TMEM87A: variants seen among roughly 807,000 people sequenced by gnomAD.
The protein encoded by TMEM87A is Golgi-pH regulating cation channel.
A neutral mutation model predicts 90.0 loss-of-function variants in TMEM87A; 50 were observed. The observed-to-expected ratio is 0.56, with a 90% CI of 0.44 to 0.70. The LOEUF (loss-of-function observed/expected upper bound fraction) is 0.70. Among genes scored for constraint, TMEM87A ranks in the 30% least tolerant of loss-of-function variants. The pLI, the probability that TMEM87A is intolerant of heterozygous loss-of-function variation, is 0.00. For synonymous variants in TMEM87A, 226 were observed against 226.7 expected, an observed-to-expected ratio of 1.00 and a Z score of 0.03; for missense variants, 577 against 660.5, an observed-to-expected ratio of 0.87 and a Z score of 1.39.
intron 6 of TMEM87A, among the ~76,000 whole-genome samples, chr15:42,244,529 A>G (rs551695334): frequency 6.6e-6 from 1 of 151,860 alleles, no homozygotes; most frequent in Non-Finnish European, 1.5e-5. Context: ...GATTATTTAA[A>G]TCACCTTAAA....
intron 3 of TMEM87A, among the ~76,000 whole-genome samples, chr15:42,264,941 G>A (rs769641215): frequency 2.1e-4 from 32 of 151,908 alleles, no homozygotes; most frequent in Non-Finnish European, 4.1e-4. Context: ...ACTTATAAGT[G>A]AAAACGTGGT....
intron 15 of TMEM87A, among the ~76,000 whole-genome samples, chr15:42,220,652 G>GTTC (rs2140916810): frequency 6.6e-6 from 1 of 152,242 alleles, no homozygotes; most frequent in South Asian, 2.1e-4. Context: ...GTTTACAAGT[G>GTTC]GGAAGCTCAG....
chr15:42,224,714 T>C (rs912123099), intron 15 of TMEM87A, among the ~76,000 whole-genome samples: 1 of 152,234 alleles, frequency 6.6e-6, no homozygotes, highest in African/African-American at 2.4e-5. Flanking sequence ...ACATGTCCCA[T>C]ATTTATGCTA....
intron 15 of TMEM87A, among the ~76,000 whole-genome samples, chr15:42,225,977 T>G (rs2050584314): frequency 6.6e-6 from 1 of 152,202 alleles, no homozygotes; most frequent in African/African-American, 2.4e-5. Flanking sequence ...GGTGCCATTT[T>G]CCAACAGTAA....
intron 8 of TMEM87A, among the ~76,000 whole-genome samples, chr15:42,238,991 GTGCACACA>G (rs571445118): frequency 1.6e-3 from 243 of 152,012 alleles, no homozygotes; most frequent in African/African-American, 5.7e-3. Context: ...ATACATGTAT[GTGCACACA>G]TACACACATA....
intron 3 of TMEM87A, among the ~76,000 whole-genome samples, chr15:42,264,908 T>C (rs2051372489): frequency 6.6e-6 from 1 of 151,940 alleles, no homozygotes; most frequent in African/African-American, 2.4e-5. Flanking sequence ...TTTGTGATCA[T>C]GTGTTCTCAT....
intron 6 of TMEM87A, among the ~76,000 whole-genome samples, chr15:42,251,764 C>T (rs1050407284): frequency 2.1e-4 from 32 of 152,180 alleles, no homozygotes; most frequent in Non-Finnish European, 1.0e-4. Context: ...GCTGGGAGAA[C>T]GATTGCTCTC....
intron 15 of TMEM87A, among the ~76,000 whole-genome samples, chr15:42,223,602 T>C (rs947598090): frequency 2.0e-5 from 3 of 152,198 alleles, no homozygotes; most frequent in Admixed American, 6.5e-5. Flanking sequence ...CTCTCCCTTT[T>C]GCCCTTCCAC....
At chr15:42,227,129 CG>C (rs988295437) in intron 14 of TMEM87A, 10 of 528,770 alleles carry the variant, frequency 1.9e-5, no homozygotes, top group African/African-American at 1.5e-4. Context: ...AATGCATCAA[CG>C]GAACAGAGTA....
At chr15:42,254,435 G>A (rs368146487) in intron 6 of TMEM87A, among the ~76,000 whole-genome samples, 122 of 152,268 alleles carry the variant, frequency 8.0e-4, no homozygotes, top group African/African-American at 2.7e-3. Context: ...ATCTATAATT[G>A]TTATAACTTG....
intron 15 of TMEM87A, chr15:42,224,297 T>C (rs1470413135): frequency 6.6e-6 from 1 of 152,250 alleles, no homozygotes; most frequent in Non-Finnish European, 1.5e-5. Context: ...AAAGCTCAAA[T>C]GGGTTTCCCA....
At chr15:42,227,440 G>A (rs2050614503) in intron 14 of TMEM87A, among the ~76,000 whole-genome samples, 1 of 152,012 alleles carries the variant, frequency 6.6e-6, no homozygotes, top group Admixed American at 6.6e-5. Flanking sequence ...GTTAAAATAA[G>A]ACTGGGTTAT....
intron 13 of TMEM87A, 122 bp downstream of exon 13, chr15:42,228,590 T>C (rs1433969454): frequency 1.3e-6 from 1 of 763,710 alleles, no homozygotes; most frequent in East Asian, 2.7e-5. Context: ...TGACAAGAGC[T>C]AAGAACCCTT....
chr15:42,257,870 T>C, intron 6 of TMEM87A: 1 of 974,842 alleles, frequency 1.0e-6, no homozygotes, highest in Non-Finnish European at 1.2e-6. Context: ...CAATGGTATA[T>C]AATATGATCT....
intron 6 of TMEM87A, among the ~76,000 whole-genome samples, chr15:42,260,551 G>A (rs1479701640): frequency 6.6e-6 from 1 of 152,090 alleles, no homozygotes; most frequent in Non-Finnish European, 1.5e-5. Context: ...TTTGAAAATA[G>A]TATCCATACA....
At chr15:42,256,832 T>G (rs1248875613) in intron 6 of TMEM87A, among the ~76,000 whole-genome samples, 1 of 152,060 alleles carries the variant, frequency 6.6e-6, no homozygotes, top group African/African-American at 2.4e-5. Flanking sequence ...ATCCTCCCAC[T>G]TCAGTCTCCC....
At chr15:42,234,047 G>C (rs1464684687) in intron 10 of TMEM87A, among the ~76,000 whole-genome samples, 1 of 151,918 alleles carries the variant, frequency 6.6e-6, no homozygotes, top group African/African-American at 2.4e-5. Context: ...CTCCCCAAGG[G>C]CTGGGATTAC....
intron 12 of TMEM87A, among the ~76,000 whole-genome samples, chr15:42,229,302 C>A (rs958666942): frequency 1.3e-5 from 2 of 151,862 alleles, no homozygotes; most frequent in African/African-American, 4.8e-5. Flanking sequence ...CCATACCTGG[C>A]CGGAAGTCAT....
intron 11 of TMEM87A, among the ~76,000 whole-genome samples, chr15:42,231,623 GAA>G: frequency 6.6e-6 from 1 of 152,104 alleles, no homozygotes; most frequent in Admixed American, 6.5e-5. Context: ...CTACAAGTCT[GAA>G]AAGACTTTTC....
Sources: allele counts gnomAD v4.1 joint callset (sites outside exome capture counted in the v4.1 genomes callset), GRCh38; gene constraint gnomAD v4.1.1; transcripts MANE v1.5; gene names NCBI Gene and HGNC (gene_info 2026-07-23, HGNC 2026-07-21).